Variants in ORC4 observed in about 807,000 individuals in gnomAD.
ORC4 encodes origin recognition complex subunit 4.
ORC4 carries 55 observed loss-of-function variants against 63.9 expected under a neutral mutation model. The observed-to-expected ratio is 0.86, with a 90% confidence interval of 0.69 to 1.08. ORC4 has a LOEUF of 1.08. ORC4 is among the 50% of genes least tolerant of loss of function. The probability of loss-of-function intolerance (pLI) is 0.00; values close to 1 mark genes in which losing one functional copy is unlikely to be tolerated. For synonymous variants in ORC4, 150 were observed against 168.5 expected, an observed-to-expected ratio of 0.89 and a Z score of 0.85; for missense variants, 511 against 504.4, an observed-to-expected ratio of 1.01 and a Z score of -0.13.
chr2:148,004,593 C>CTTCCTTACACCTTATACAAAAATGG (rs1163539403), intron 1 of ORC4, among the ~76,000 whole-genome samples: 1 of 152,122 alleles, frequency 6.6e-6, no homozygotes, highest in Non-Finnish European at 1.5e-5. Flanking sequence ...CTGGCCCCCC[C>CTTCCTTACACCTTATACAAAAATGG]TTCCTTACAC....
At chr2:147,948,963 G>C (rs192703695) in intron 8 of ORC4, among the ~76,000 whole-genome samples, 2 of 147,988 alleles carry the variant, frequency 1.4e-5, no homozygotes. Flanking sequence ...TAATGAACTT[G>C]AGCAATTTTT....
intron 1 of ORC4, among the ~76,000 whole-genome samples, chr2:148,015,857 A>G (rs1324411276): frequency 1.3e-5 from 2 of 152,194 alleles, no homozygotes; most frequent in Non-Finnish European, 2.9e-5. Flanking sequence ...TAATGAACGT[A>G]CAGTGCAGTG....
chr2:147,962,748 G>A (rs1233628637), intron 4 of ORC4, among the ~76,000 whole-genome samples: 1 of 152,066 alleles, frequency 6.6e-6, no homozygotes, highest in Admixed American at 6.5e-5. Context: ...TGGCAGAGCG[G>A]CTATGCACCC....
intron 1 of ORC4, among the ~76,000 whole-genome samples, chr2:147,990,475 C>T (rs1363187756): frequency 6.6e-6 from 1 of 152,056 alleles, no homozygotes; most frequent in Admixed American, 6.6e-5. Flanking sequence ...AAATAAGGGC[C>T]AATACTGATA....
rs569591143 is a variant in ORC4, at chr2:147,938,000, T to G, written c.1122+146A>C. 4.4e-6 allele frequency: 3 copies of G among 686,374 alleles called. No individual in the cohort carries two copies. In the South Asian group the frequency reaches 5.5e-5, roughly 13 times the overall value. The allele number at this position is 686,374 out of a possible 1,614,324, so 42.5% of individuals were successfully genotyped here. A position where few individuals can be genotyped will look rare whatever the true frequency, so the allele number is the denominator to read the frequency against. On this transcript the variant is annotated intron_variant, in intron 13 of 13. Coordinates refer to ENST00000392857, the MANE Select transcript of ORC4 (RefSeq NM_181741.4). ...CACTTCCTCAGATTTTTCCAAAATA[T>G]TTCATTTTTAGATAATTTTCTTGTT...
At chr2:148,006,641 C>T (rs545304130) in intron 1 of ORC4, among the ~76,000 whole-genome samples, 5 of 152,292 alleles carry the variant, frequency 3.3e-5, no homozygotes, top group South Asian at 4.1e-4. Flanking sequence ...CAAGCTTTTG[C>T]TCCGGGATGG....
intron 1 of ORC4, among the ~76,000 whole-genome samples, chr2:148,019,951 A>T (rs2105496170): frequency 6.6e-6 from 1 of 151,992 alleles, no homozygotes; most frequent in East Asian, 1.9e-4. Flanking sequence ...TTGACAAAAC[A>T]GTCCTTTTAA....
chr2:147,963,855 A>G (rs1388349703), intron 4 of ORC4, among the ~76,000 whole-genome samples: 2 of 152,184 alleles, frequency 1.3e-5, no homozygotes, highest in African/African-American at 4.8e-5. Flanking sequence ...AGTGTGGATT[A>G]CAGCTGAAAA....
intron 4 of ORC4, among the ~76,000 whole-genome samples, chr2:147,959,717 A>T (rs1689477526): frequency 6.6e-6 from 1 of 152,122 alleles, no homozygotes; most frequent in Non-Finnish European, 1.5e-5. Flanking sequence ...AACAAAAATA[A>T]AAAAAATTTC....
At chr2:147,951,654 A>C (rs1303090734) in intron 8 of ORC4, 1 of 152,184 alleles carries the variant, frequency 6.6e-6, no homozygotes, top group Non-Finnish European at 1.5e-5. Context: ...AGATAAATAA[A>C]CTTCTTTTCT....
intron 4 of ORC4, among the ~76,000 whole-genome samples, chr2:147,963,335 G>A (rs1370507046): frequency 6.6e-6 from 1 of 152,078 alleles, no homozygotes; most frequent in Non-Finnish European, 1.5e-5. Context: ...ATGGTCCAGT[G>A]GGCCATCTGC....
At position 147,932,644 on chromosome 2, in the gene ORC4, A is replaced by C. The variant is rs1307741295; in HGVS notation, c.*2866T>G. The C allele has an allele frequency of 6.6e-6, 1 of 152,136 alleles. No homozygotes were observed. Among genetic ancestry groups the C allele is most frequent in the African/African-American group, 2.4e-5 (1 of 41,436 alleles). The allele number at this position is 152,136 out of a possible 1,614,324, so 9.4% of individuals were successfully genotyped here. A position where few individuals can be genotyped will look rare whatever the true frequency, so the allele number is the denominator to read the frequency against. On this transcript the variant is annotated 3_prime_UTR_variant, in exon 14 of 14. Transcript: ENST00000392857. Reference sequence around the variant, plus strand: ...GGCATTTCCCTCTATTATCGTCTAAACAGATTATATTCCCACTAAAGTATG... The same window carrying C: ...GGCATTTCCCTCTATTATCGTCTAACCAGATTATATTCCCACTAAAGTATG...
intron 1 of ORC4, among the ~76,000 whole-genome samples, chr2:147,987,623 C>T (rs1001465559): frequency 6.6e-6 from 1 of 151,920 alleles, no homozygotes; most frequent in African/African-American, 2.4e-5. Context: ...AAGGAGAAAA[C>T]AGGTGTGAAC....
chr2:147,973,436 A>T lies in ORC4; in HGVS notation c.134+12T>A. 6.5e-7 allele frequency: 1 copy of T among 1,527,372 alleles called. No individual in the cohort carries two copies. Among genetic ancestry groups the T allele is most frequent in the Non-Finnish European group, 9.1e-7 (1 of 1,101,144 alleles). The allele number at this position is 1,527,372 out of a possible 1,614,324, so 94.6% of individuals were successfully genotyped here. Reference sequence around the variant, plus strand: ...GTAGGTCCATAACAGTCAAGAGGACAGCTAGACTTACTTGTATTGTACTTG... The same window carrying T: ...GTAGGTCCATAACAGTCAAGAGGACTGCTAGACTTACTTGTATTGTACTTG... On this transcript the variant is annotated intron_variant, in intron 3 of 13. Coordinates refer to ENST00000392857, the MANE Select transcript of ORC4 (RefSeq NM_181741.4).
At chr2:147,990,450 G>C (rs1247363498) in intron 1 of ORC4, among the ~76,000 whole-genome samples, 2 of 152,176 alleles carry the variant, frequency 1.3e-5, no homozygotes, top group Non-Finnish European at 2.9e-5. Flanking sequence ...TAAAAGAATG[G>C]TTGAGTGTGG....
chr2:147,935,847 A>C (rs1688022747), intron 13 of ORC4, 149 bp from the exon 14 acceptor site: 3 of 650,706 alleles, frequency 4.6e-6, no homozygotes, highest in African/African-American at 1.8e-5. Context: ...GATTAAAAAA[A>C]CTCTCACAAC....
chr2:148,021,451 T>A, upstream of ORC4: 1 of 567,628 alleles, frequency 1.8e-6, no homozygotes. Flanking sequence ...CACAGACCCT[T>A]TGCTGCTGCT....
At chr2:147,973,585 T>A in intron 2 of ORC4, 61 bp from the exon 3 acceptor site, 2 of 948,194 alleles carry the variant, frequency 2.1e-6, no homozygotes, top group Non-Finnish European at 3.3e-6. Flanking sequence ...AAAAAATAAA[T>A]AAGAAAGCAC....
At chr2:147,990,787 AGTTAAGTAATATGATG>A (rs1573859714) in intron 1 of ORC4, among the ~76,000 whole-genome samples, 1 of 152,360 alleles carries the variant, frequency 6.6e-6, no homozygotes, top group East Asian at 1.9e-4. Flanking sequence ...GATAACCTTT[AGTTAAGTAATATGATG>A]CCATGATATT....
Sources: allele counts gnomAD v4.1 joint callset (sites outside exome capture counted in the v4.1 genomes callset), GRCh38; gene constraint gnomAD v4.1.1; transcripts MANE v1.5; gene names NCBI Gene and HGNC (gene_info 2026-07-23, HGNC 2026-07-21).